The following SPATS2L variants were observed in gnomAD, a reference collection of about 807,000 sequenced individuals.
SPATS2L encodes spermatogenesis associated serine rich 2 like.
Under a neutral mutation model 59.6 loss-of-function variants are expected in SPATS2L, and 30 were observed. The ratio of observed to expected loss-of-function variants is 0.50; its 90% CI spans 0.38 to 0.68. The LOEUF is 0.68. Among genes scored for constraint, SPATS2L ranks in the 30% least tolerant of loss-of-function variants. SPATS2L has a pLI of 0.00. For missense variants in SPATS2L, 615 were observed against 700.0 expected (o/e 0.88, Z 1.37); for synonymous variants, 252 against 263.5 (o/e 0.96, Z 0.42).
rs5837744 is a variant in SPATS2L at position 200,480,338 on chromosome 2, C to CT, written c.*2324dup. Reference sequence around the variant, plus strand: ...ATCACATTTTTTCCAATATTTTTTCCTTTTTTTTTTTTTTTTTGAGACAGG... The same window carrying CT: ...ATCACATTTTTTCCAATATTTTTTCCTTTTTTTTTTTTTTTTTTGAGACAGG... On this transcript the variant is annotated 3_prime_UTR_variant, in exon 13 of 13. Coordinates refer to ENST00000409140, the MANE Select transcript of SPATS2L (RefSeq NM_001100423.2). 0.81 allele frequency: 89,023 copies of CT among 109,754 alleles called. 39,068 individuals carry two copies. The highest frequency in any genetic ancestry group is 0.94 in the East Asian group (3,828 of 4,082). The allele number at this position is 109,754 out of a possible 1,614,324, so 6.8% of individuals were successfully genotyped here. A position where few individuals can be genotyped will look rare whatever the true frequency, so the allele number is the denominator to read the frequency against.
intron 2 of SPATS2L, among the ~76,000 whole-genome samples, chr2:200,333,422 T>C (rs573213908): frequency 1.3e-4 from 19 of 151,928 alleles, no homozygotes; most frequent in Non-Finnish European, 2.1e-4. Context: ...TGAGTGTTTG[T>C]TACATGTGTA....
rs149565000 is a variant in SPATS2L at position 200,345,829 on chromosome 2, T to C, written c.-23+16349T>C. Among the ~76,000 whole-genome samples, 3 of 152,358 alleles carry C rather than the reference T, an allele frequency of 2.0e-5. No homozygotes were observed. In the East Asian group the frequency reaches 5.8e-4, roughly 29 times the overall value. On this transcript the variant is annotated intron_variant, in intron 2 of 12. Coordinates refer to ENST00000409140, the MANE Select transcript of SPATS2L (RefSeq NM_001100423.2). Reference sequence around the variant, plus strand: ...TTGATTACTCTAGTTTTTAACTTTTTTGGAGCGCTTATGGTGAGGGTTACA... The same window carrying C: ...TTGATTACTCTAGTTTTTAACTTTTCTGGAGCGCTTATGGTGAGGGTTACA...
intron 2 of SPATS2L, among the ~76,000 whole-genome samples, chr2:200,343,398 A>C (rs2080399038): frequency 6.6e-6 from 1 of 152,218 alleles, no homozygotes; most frequent in South Asian, 2.1e-4. Flanking sequence ...GGATACAAGC[A>C]CATCTATCAT....
At chr2:200,360,664 T>C (rs540587134) in intron 2 of SPATS2L, among the ~76,000 whole-genome samples, 2 of 152,298 alleles carry the variant, frequency 1.3e-5, no homozygotes, top group South Asian at 4.1e-4. Flanking sequence ...TGGTCAGCAG[T>C]GTCCTCACAA....
intron 7 of SPATS2L, among the ~76,000 whole-genome samples, chr2:200,439,656 T>C (rs141017309): frequency 6.6e-5 from 10 of 152,324 alleles, no homozygotes; most frequent in Non-Finnish European, 1.5e-4. Flanking sequence ...CTTTTAAAAA[T>C]GTAACTGCTA....
intron 8 of SPATS2L, among the ~76,000 whole-genome samples, chr2:200,449,685 A>G (rs972099825): frequency 2.6e-5 from 4 of 152,242 alleles, no homozygotes; most frequent in Admixed American, 2.0e-4. Context: ...TAAAAAATAT[A>G]TATGCAATAT....
At chr2:200,370,630 T>C (rs1022165102) in intron 2 of SPATS2L, among the ~76,000 whole-genome samples, 2 of 152,228 alleles carry the variant, frequency 1.3e-5, no homozygotes, top group Non-Finnish European at 2.9e-5. Context: ...AAAACTGTTC[T>C]ATTATTCTAT....
intron 1 of SPATS2L, among the ~76,000 whole-genome samples, chr2:200,328,473 T>C (rs376671551): frequency 3.3e-5 from 5 of 152,128 alleles, no homozygotes; most frequent in African/African-American, 1.2e-4. Context: ...TTTAGGTCAA[T>C]CCTCTTATTT....
intron 1 of SPATS2L, among the ~76,000 whole-genome samples, chr2:200,327,216 C>G (rs2079779572): frequency 1.3e-5 from 2 of 151,820 alleles, no homozygotes; most frequent in South Asian, 4.2e-4. Context: ...CTACCCTGGC[C>G]AACATGGTGA....
intron 1 of SPATS2L, among the ~76,000 whole-genome samples, chr2:200,326,788 T>A (rs536329477): frequency 9.9e-5 from 15 of 151,806 alleles, no homozygotes; most frequent in Non-Finnish European, 1.9e-4. Flanking sequence ...AGTGCAGTGG[T>A]ACAATCTCGG....
In SPATS2L at chr2:200,354,172, T is replaced by A. The variant is rs571875849; in HGVS notation, c.-23+24692T>A. ...AGGGAAAGATGCATAGCCAAGACCA[T>A]GGAATTTAGTGAAGGCTCTCTGCTC... On this transcript the variant is annotated intron_variant, in intron 2 of 12. Coordinates refer to ENST00000409140, the MANE Select transcript of SPATS2L (RefSeq NM_001100423.2). 3.3e-5 allele frequency among the ~76,000 whole-genome samples: 5 copies of A among 152,260 alleles called. No homozygotes were observed. The East Asian group carries it at 9.6e-4, about 29-fold the overall frequency.
chr2:200,455,300 G>GT (rs1055791511), intron 8 of SPATS2L, among the ~76,000 whole-genome samples: 2 of 152,220 alleles, frequency 1.3e-5, no homozygotes, highest in African/African-American at 4.8e-5. Context: ...CTCTAAGGAA[G>GT]TGACGATTAA....
chr2:200,324,290 G>C (rs1469383242), intron 1 of SPATS2L, among the ~76,000 whole-genome samples: 1 of 152,186 alleles, frequency 6.6e-6, no homozygotes, highest in African/African-American at 2.4e-5. Flanking sequence ...CCTGAGGGAT[G>C]TAAGTGTGTG....
chr2:200,456,901 T>A (rs561401147), intron 8 of SPATS2L, among the ~76,000 whole-genome samples: 2 of 152,244 alleles, frequency 1.3e-5, no homozygotes, highest in South Asian at 4.2e-4. Flanking sequence ...GCCATCGTCA[T>A]TTTCTTTCCT....
chr2:200,420,577 G>T (rs967228595), intron 6 of SPATS2L, among the ~76,000 whole-genome samples: 3 of 152,176 alleles, frequency 2.0e-5, no homozygotes, highest in African/African-American at 7.2e-5. Flanking sequence ...CCAATTTAGG[G>T]TAATGGGTGT....
chr2:200,388,048 A>G (rs181750150), intron 2 of SPATS2L, among the ~76,000 whole-genome samples: 268 of 152,338 alleles, frequency 1.8e-3, no homozygotes, highest in Non-Finnish European at 3.1e-3. Flanking sequence ...CAGAAGGATT[A>G]TGGGCAGTTT....
chr2:200,427,172 A>G (rs1032319308), intron 6 of SPATS2L, among the ~76,000 whole-genome samples: 1 of 152,198 alleles, frequency 6.6e-6, no homozygotes, highest in Non-Finnish European at 1.5e-5. Context: ...ACTTACAAAG[A>G]TCAAAAGGCT....
At chr2:200,385,732 G>A (rs978340705) in intron 2 of SPATS2L, among the ~76,000 whole-genome samples, 39 of 151,334 alleles carry the variant, frequency 2.6e-4, no homozygotes, top group East Asian at 1.2e-3. Context: ...TCGCTCTGTC[G>A]CCCAGGCTGG....
intron 1 of SPATS2L, among the ~76,000 whole-genome samples, chr2:200,329,001 T>C (rs891510350): frequency 1.3e-5 from 2 of 152,192 alleles, no homozygotes; most frequent in African/African-American, 2.4e-5. Flanking sequence ...GGTGCCTCAT[T>C]TTCCAACACC....
Sources: allele counts gnomAD v4.1 joint callset (sites outside exome capture counted in the v4.1 genomes callset), GRCh38; gene constraint gnomAD v4.1.1; transcripts MANE v1.5; gene names NCBI Gene and HGNC (gene_info 2026-07-23, HGNC 2026-07-21).